Variants in GLS observed in about 807,000 individuals in gnomAD.
GLS encodes glutaminase.
Under a neutral mutation model 86.7 loss-of-function variants are expected in GLS, and 36 were observed. The observed-to-expected ratio is 0.42, with a 90% confidence interval of 0.32 to 0.55. The LOEUF is 0.55. Among genes scored for constraint, GLS ranks in the 20% least tolerant of loss-of-function variants. GLS has a pLI of 0.17. For synonymous variants in GLS, 317 were observed against 305.9 expected (o/e 1.04, Z -0.38); for missense variants, 528 against 833.4 (o/e 0.63, Z 4.51).
intron 1 of GLS, among the ~76,000 whole-genome samples, chr2:190,889,474 T>G (rs1167183650): frequency 1.3e-5 from 2 of 152,150 alleles, no homozygotes. Flanking sequence ...GTGGCTGAAG[T>G]TTTTCATTAA....
At chr2:190,932,655 A>T (rs981665817) in intron 14 of GLS, 7 of 1,295,666 alleles carry the variant, frequency 5.4e-6, no homozygotes, top group African/African-American at 3.0e-5. Context: ...ACCATTTTAT[A>T]GCTTGGACCT....
At position 190,895,278 on chromosome 2, in the gene GLS, TA is replaced by T. The variant is rs575489284; in HGVS notation, c.483+37del. 2.1e-3 allele frequency: 1,801 copies of T among 871,650 alleles called. 8 individuals are homozygous for T. Among genetic ancestry groups the T allele is most frequent in the African/African-American group, 0.011 (659 of 58,998 alleles). 54.0% of individuals were successfully genotyped at this position (871,650 alleles called of 1,614,324 possible). A position where few individuals can be genotyped will look rare whatever the true frequency, so the allele number is the denominator to read the frequency against. On this transcript the variant is annotated intron_variant, in intron 2 of 17. Coordinates refer to ENST00000320717, the MANE Select transcript of GLS (RefSeq NM_014905.5). The surrounding 1 kb of genome is among the most constrained non-coding windows in gnomAD (Gnocchi z 4.2). ...GTTTTTATATTTTTCTATCTTAACT[TA>T]AAAAAATCAATAATAATAAATATAT...
intron 14 of GLS, chr2:190,933,274 T>A: frequency 1.1e-6 from 1 of 907,048 alleles, no homozygotes; most frequent in Non-Finnish European, 1.3e-6. Flanking sequence ...AAAACTAATG[T>A]GATGTCTTTA....
At chr2:190,884,728 A>G (rs1688317087) in intron 1 of GLS, among the ~76,000 whole-genome samples, 1 of 152,226 alleles carries the variant, frequency 6.6e-6, no homozygotes, top group Non-Finnish European at 1.5e-5. Context: ...TGGGCTGGAA[A>G]AATACCAGCA....
Position 190,924,519 on chromosome 2 carries a change from T to C in GLS, c.1198-24T>C, listed in dbSNP as rs1271169551. On this transcript the variant is annotated intron_variant, in intron 10 of 17. Coordinates refer to ENST00000320717, the MANE Select transcript of GLS (RefSeq NM_014905.5). This position sits in a 1 kb window ranked among gnomAD's most constrained non-coding sequence, Gnocchi z 5.2. Reference sequence around the variant, plus strand: ...GTGCATTCCTGTGTGCCTGAATTTTTAATTGCCTTTCTGGTTTTTTTAGTG... The same window carrying C: ...GTGCATTCCTGTGTGCCTGAATTTTCAATTGCCTTTCTGGTTTTTTTAGTG... The C allele has an allele frequency of 2.7e-6, 4 of 1,464,436 alleles. No individual in the cohort carries two copies. In the Admixed American group the frequency reaches 5.0e-5, roughly 18 times the overall value. The allele number at this position is 1,464,436 out of a possible 1,614,324, so 90.7% of individuals were successfully genotyped here.
chr2:190,955,545 T>G lies in GLS; in HGVS notation c.1853+727T>G, dbSNP rs529451105. 1.3e-5 allele frequency among the ~76,000 whole-genome samples: 2 copies of G among 152,374 alleles called. No individual in the cohort carries two copies. The highest frequency in any genetic ancestry group is 4.1e-4 in the South Asian group (2 of 4,826). ...GTCTATTATCGATGGTCATTTGGGTTAGTTCCAAGTCTTTTCTATTGTGAA... is the reference window on the plus strand; with the variant it reads ...GTCTATTATCGATGGTCATTTGGGTGAGTTCCAAGTCTTTTCTATTGTGAA... On this transcript the variant is annotated intron_variant, in intron 17 of 17. Transcript: ENST00000320717. This position sits in a 1 kb window ranked among gnomAD's most constrained non-coding sequence, Gnocchi z 5.6.
intron 7 of GLS, among the ~76,000 whole-genome samples, chr2:190,916,405 G>T (rs1417022781): frequency 6.6e-6 from 1 of 151,918 alleles, no homozygotes; most frequent in Non-Finnish European, 1.5e-5. Flanking sequence ...TTTTGATTTT[G>T]CATTGGGGGT....
intron 13 of GLS, among the ~76,000 whole-genome samples, chr2:190,931,142 T>C (rs1690094853): frequency 6.6e-6 from 1 of 152,218 alleles, no homozygotes; most frequent in Non-Finnish European, 1.5e-5. Context: ...AAAATTGTTT[T>C]ATTTTCCAGT....
chr2:190,944,993 T>A (rs1157716850), intron 14 of GLS, among the ~76,000 whole-genome samples: 1 of 152,222 alleles, frequency 6.6e-6, no homozygotes, highest in Non-Finnish European at 1.5e-5. Flanking sequence ...TGATTTCCTA[T>A]CACAACATAT....
At chr2:190,900,750 AT>A in intron 4 of GLS, 57 bp downstream of exon 4, 1 of 1,377,636 alleles carries the variant, frequency 7.3e-7, no homozygotes, top group South Asian at 1.2e-5. Context: ...ATTCAGCTTA[AT>A]TTGAGGTCTA....
At chr2:190,934,061 C>A in intron 14 of GLS, 1 of 973,844 alleles carries the variant, frequency 1.0e-6, no homozygotes, top group Non-Finnish European at 1.2e-6. Context: ...GACCTATTCA[C>A]ACTTCTTCCT....
chr2:190,891,266 A>G (rs1688551357), intron 1 of GLS, among the ~76,000 whole-genome samples: 1 of 152,182 alleles, frequency 6.6e-6, no homozygotes, highest in African/African-American at 2.4e-5. Flanking sequence ...CTCCTAGACC[A>G]CAACCTTACT....
At chr2:190,939,989 T>G (rs1690379232) in intron 14 of GLS, among the ~76,000 whole-genome samples, 1 of 151,828 alleles carries the variant, frequency 6.6e-6, no homozygotes, top group Non-Finnish European at 1.5e-5. Flanking sequence ...TCAAAGTTAC[T>G]CAGGAAATGG....
intron 7 of GLS, chr2:190,919,516 T>C (rs567972742): frequency 5.9e-5 from 9 of 153,114 alleles, no homozygotes; most frequent in African/African-American, 2.2e-4. Context: ...TAATTATCCA[T>C]ATGACATCCC....
intron 14 of GLS, chr2:190,933,654 G>A: frequency 1.0e-6 from 1 of 956,950 alleles, no homozygotes; most frequent in Non-Finnish European, 1.2e-6. Context: ...GTGTCTTCAA[G>A]TGAATTGTTC....
rs1005339884 is a variant in GLS at position 190,930,427 on chromosome 2, T to C, written c.1426-10T>C. ...TTTACCTGAATACTCTTTTACTGAA[T>C]TATTTTTAGGTTGGTCTTCCTGCAA... On this transcript the variant is annotated splice_polypyrimidine_tract_variant and intron_variant, in intron 12 of 17. Coordinates refer to ENST00000320717, the MANE Select transcript of GLS (RefSeq NM_014905.5). The surrounding 1 kb of genome is among the most constrained non-coding windows in gnomAD (Gnocchi z 5.0). The C allele has an allele frequency of 2.5e-6, 4 of 1,592,800 alleles. No homozygotes were observed. Among genetic ancestry groups the C allele is most frequent in the Non-Finnish European group, 3.4e-6 (4 of 1,161,016 alleles).
intron 6 of GLS, among the ~76,000 whole-genome samples, chr2:190,907,749 G>C (rs889784097): frequency 6.6e-6 from 1 of 152,130 alleles, no homozygotes; most frequent in Admixed American, 6.5e-5. Context: ...AGCTTTCCTT[G>C]TCTGTATTGT....
At chr2:190,888,907 A>G (rs1016457833) in intron 1 of GLS, among the ~76,000 whole-genome samples, 6 of 152,234 alleles carry the variant, frequency 3.9e-5, no homozygotes, top group African/African-American at 1.4e-4. Context: ...TATACATAAC[A>G]TAAAAATTAC....
chr2:190,923,989 T>A lies in GLS; in HGVS notation c.1197+6T>A, dbSNP rs1464692241. The A allele has an allele frequency of 2.3e-6, 3 of 1,314,950 alleles. No homozygotes were observed. The highest frequency in any genetic ancestry group is 3.2e-6 in the Non-Finnish European group (3 of 924,492). 81.5% of individuals were successfully genotyped at this position (1,314,950 alleles called of 1,614,324 possible). On this transcript the variant is annotated splice_donor_region_variant and intron_variant, in intron 10 of 17. Coordinates refer to ENST00000320717, the MANE Select transcript of GLS (RefSeq NM_014905.5). The stretch of plus-strand genomic sequence containing the variant: ...ATTACTTAAAAGAAAAGAAGGTTTT[T>A]AAATTTTTGTTTCTATTTCAAATTA...
Sources: allele counts gnomAD v4.1 joint callset (sites outside exome capture counted in the v4.1 genomes callset), GRCh38; gene constraint gnomAD v4.1.1; non-coding constraint Gnocchi (gnomAD v3.1); transcripts MANE v1.5; gene names NCBI Gene and HGNC (gene_info 2026-07-23, HGNC 2026-07-21).